MACROD2: variants seen among roughly 807,000 people sequenced by gnomAD.
MACROD2 encodes the protein ADP-ribose glycohydrolase MACROD2.
MACROD2 carries 36 observed loss-of-function variants against 70.4 expected under a neutral mutation model. The observed-to-expected ratio is 0.51, with a 90% CI of 0.39 to 0.68. The LOEUF (loss-of-function observed/expected upper bound fraction) is 0.68, where lower values mean the gene tolerates loss of function less well. Ranked by LOEUF, MACROD2 falls within the 30% of genes least tolerant of loss-of-function variation. The pLI, the probability that MACROD2 is intolerant of heterozygous loss-of-function variation, is 0.00. For missense variants in MACROD2, 496 were observed against 538.4 expected (o/e 0.92, Z 0.78); for synonymous variants, 172 against 178.8 (o/e 0.96, Z 0.30).
chr20:14,744,916 G>A (rs1218882034), intron 5 of MACROD2, among the ~76,000 whole-genome samples: 5 of 152,078 alleles, frequency 3.3e-5, no homozygotes, highest in Non-Finnish European at 4.4e-5. Context: ...AGTAAGAAAC[G>A]TTTGTTTTTT....
chr20:15,723,909 A>G (rs1020108980), intron 8 of MACROD2, among the ~76,000 whole-genome samples: 1 of 152,216 alleles, frequency 6.6e-6, no homozygotes, highest in African/African-American at 2.4e-5. Context: ...CTCACCAGCA[A>G]TGAATGAGAC....
chr20:14,217,431 G>A (rs142529468), intron 3 of MACROD2, among the ~76,000 whole-genome samples: 1 of 152,174 alleles, frequency 6.6e-6, no homozygotes, highest in African/African-American at 2.4e-5. Context: ...AAGGATTTTA[G>A]CATCTAAGTT....
intron 5 of MACROD2, among the ~76,000 whole-genome samples, chr20:14,978,512 C>CAAA (rs1380233015): frequency 6.6e-6 from 1 of 151,932 alleles, no homozygotes; most frequent in Non-Finnish European, 1.5e-5. Flanking sequence ...CTAGTTTTCC[C>CAAA]AGTTTGCCAT....
rs560884923 is a variant in MACROD2 at position 14,797,628 on chromosome 20, C to T, written c.418+112669C>T. ...ATTTCCTCATGAAGTCTTCCCCAAG[C>T]CCCGGGTTCAGCCCTATCCCTTTGT... On this transcript the variant is annotated intron_variant, in intron 5 of 17. Coordinates refer to ENST00000684519, the MANE Select transcript of MACROD2 (RefSeq NM_001351661.2). 5.3e-5 allele frequency among the ~76,000 whole-genome samples: 8 copies of T among 152,212 alleles called. No homozygotes were observed. In the South Asian group the frequency reaches 1.7e-3, roughly 32 times the overall value.
At chr20:14,636,984 A>T (rs890875009) in intron 4 of MACROD2, among the ~76,000 whole-genome samples, 3 of 152,194 alleles carry the variant, frequency 2.0e-5, no homozygotes, top group Non-Finnish European at 4.4e-5. Context: ...AAAAGCTGAA[A>T]TGCAGAATAA....
At chr20:15,138,979 A>C (rs1253778745) in intron 5 of MACROD2, among the ~76,000 whole-genome samples, 1 of 152,182 alleles carries the variant, frequency 6.6e-6, no homozygotes, top group Non-Finnish European at 1.5e-5. Context: ...TCATAGAAGG[A>C]GTTGGCACGT....
chr20:14,861,570 T>A (rs184750172), intron 5 of MACROD2, among the ~76,000 whole-genome samples: 123 of 152,034 alleles, frequency 8.1e-4, no homozygotes, highest in African/African-American at 2.9e-3. Flanking sequence ...GGGAATGCAC[T>A]CTGCATGGAT....
chr20:15,961,601 C>A (rs1291667790), intron 12 of MACROD2, among the ~76,000 whole-genome samples: 1 of 152,190 alleles, frequency 6.6e-6, no homozygotes, highest in Non-Finnish European at 1.5e-5. Flanking sequence ...CGATGCCAGG[C>A]TGTCGGTTCA....
intron 8 of MACROD2, among the ~76,000 whole-genome samples, chr20:15,681,141 G>A (rs937334586): frequency 1.3e-5 from 2 of 152,012 alleles, no homozygotes; most frequent in African/African-American, 4.8e-5. Context: ...TGTACACTTG[G>A]GTCTTGTACT....
At chr20:14,792,846 T>C (rs2072465935) in intron 5 of MACROD2, among the ~76,000 whole-genome samples, 1 of 152,142 alleles carries the variant, frequency 6.6e-6, no homozygotes, top group African/African-American at 2.4e-5. Context: ...GTCACTGAAT[T>C]GTATCCACCA....
At chr20:15,230,576 T>C (rs1245093833) in intron 6 of MACROD2, among the ~76,000 whole-genome samples, 7 of 152,194 alleles carry the variant, frequency 4.6e-5, no homozygotes, top group Admixed American at 2.0e-4. Context: ...AATGTTGTTA[T>C]TCTTTTAGAT....
Position 14,655,319 on chromosome 20 carries a change from C to CTGTGTGTGTGTGTG in MACROD2, c.302-29498_302-29485dup, listed in dbSNP as rs11470954. 1.6e-3 allele frequency among the ~76,000 whole-genome samples: 233 copies of CTGTGTGTGTGTGTG among 141,690 alleles called. 1 individual carries two copies. The highest frequency in any genetic ancestry group is 5.6e-3 in the African/African-American group (211 of 37,472). 93.0% of individuals were successfully genotyped at this position (141,690 alleles called of 152,430 possible). A position where few individuals can be genotyped will look rare whatever the true frequency, so the allele number is the denominator to read the frequency against. On this transcript the variant is annotated intron_variant, in intron 4 of 17. Transcript: ENST00000684519. Reference sequence around the variant, plus strand: ...CTTATATATAAATCCAAAGTGGACACTGTGTGTGTGTGTGTGTGTGTGTGT... The same window carrying CTGTGTGTGTGTGTG: ...CTTATATATAAATCCAAAGTGGACACTGTGTGTGTGTGTGTGTGTGTGTGTGTGTGTGTGTGTGT...
At chr20:14,442,200 G>T (rs1434009677) in intron 3 of MACROD2, among the ~76,000 whole-genome samples, 1 of 152,050 alleles carries the variant, frequency 6.6e-6, no homozygotes, top group Non-Finnish European at 1.5e-5. Context: ...AACCCAGGAG[G>T]TGGAGGTTGC....
At chr20:14,423,086 C>T (rs1220846938) in intron 3 of MACROD2, among the ~76,000 whole-genome samples, 3 of 152,082 alleles carry the variant, frequency 2.0e-5, no homozygotes, top group African/African-American at 7.2e-5. Flanking sequence ...AGCAAATGTA[C>T]AAATAATTTG....
chr20:14,146,305 C>G (rs188872857), intron 3 of MACROD2, among the ~76,000 whole-genome samples: 1 of 152,000 alleles, frequency 6.6e-6, no homozygotes, highest in Non-Finnish European at 1.5e-5. Context: ...GGCGACAGAG[C>G]GAGACCTCCG....
intron 3 of MACROD2, among the ~76,000 whole-genome samples, chr20:14,362,838 G>A (rs183063166): frequency 6.6e-6 from 1 of 152,028 alleles, no homozygotes; most frequent in Non-Finnish European, 1.5e-5. Context: ...TAAGAGCATA[G>A]ATAATAGTAA....
At chr20:14,009,624 C>T (rs2052871667) in intron 2 of MACROD2, among the ~76,000 whole-genome samples, 2 of 151,820 alleles carry the variant, frequency 1.3e-5, no homozygotes, top group Admixed American at 6.6e-5. Context: ...GTGTATACAC[C>T]CAAATGAATA....
rs570098842 is a variant in MACROD2 at position 14,909,967 on chromosome 20, G to A, written c.418+225008G>A. Among the ~76,000 whole-genome samples the A allele has an allele frequency of 3.3e-5, 5 of 152,072 alleles. No individual in the cohort carries two copies. In the South Asian group the frequency reaches 8.3e-4, roughly 25 times the overall value. ...GTGACAGCTCCAATGTAGATTCTTG[G>A]GCATGCGTTGTTTTCTTGAGAACCT... is the stretch of plus-strand genomic sequence containing the variant. On this transcript the variant is annotated intron_variant, in intron 5 of 17. Coordinates refer to ENST00000684519, the MANE Select transcript of MACROD2 (RefSeq NM_001351661.2).
At chr20:14,857,027 A>G (rs1272229787) in intron 5 of MACROD2, among the ~76,000 whole-genome samples, 1 of 152,162 alleles carries the variant, frequency 6.6e-6, no homozygotes, top group African/African-American at 2.4e-5. Context: ...CATATAGTCC[A>G]GCATAAACAA....
Sources: allele counts gnomAD v4.1 joint callset (sites outside exome capture counted in the v4.1 genomes callset), GRCh38; gene constraint gnomAD v4.1.1; transcripts MANE v1.5; gene names NCBI Gene and HGNC (gene_info 2026-07-23, HGNC 2026-07-21).